Variants in EDA observed in about 807,000 individuals in gnomAD.
The protein encoded by EDA is ectodysplasin A, also known as ectodysplasin-A.
Under a neutral mutation model 23.6 loss-of-function variants are expected in EDA, and 2 were observed. The observed-to-expected ratio is 0.08, with a 90% confidence interval of 0.03 to 0.27. The LOEUF is 0.27. Ranked by LOEUF, EDA falls within the 10% of genes least tolerant of loss-of-function variation. EDA has a pLI of 1.00. For synonymous variants in EDA, 131 were observed against 132.0 expected (o/e 0.99, Z 0.05); for missense variants, 229 against 324.2 (o/e 0.71, Z 2.26).
chrX:69,809,354 A>G (rs1458909489), intron 1 of EDA, among the ~76,000 whole-genome samples: 3 of 111,485 alleles, frequency 2.7e-5, no homozygotes, highest in Admixed American at 9.5e-5. Flanking sequence ...GGGAAGTGCT[A>G]CACACTTTTA....
At chrX:69,678,373 C>G (rs762271409) in intron 1 of EDA, among the ~76,000 whole-genome samples, 1 of 111,453 alleles carries the variant, frequency 9.0e-6, no homozygotes, top group Non-Finnish European at 1.9e-5. Context: ...TCATTGGTAG[C>G]TTGATGGGGA....
At chrX:69,619,377 A>T (rs1385086162) in intron 1 of EDA, among the ~76,000 whole-genome samples, 2 of 111,876 alleles carry the variant, frequency 1.8e-5, no homozygotes, top group Non-Finnish European at 3.8e-5. Flanking sequence ...TACTTATGAG[A>T]TGATGGGCTC....
chrX:69,650,160 C>G (rs1159913678), intron 1 of EDA, among the ~76,000 whole-genome samples: 1 of 111,941 alleles, frequency 8.9e-6, no homozygotes, highest in Non-Finnish European at 1.9e-5. Flanking sequence ...ATAATAACAT[C>G]TTCCGTCTCT....
chrX:69,949,658 G>A (rs1335775711), intron 1 of EDA, among the ~76,000 whole-genome samples: 1 of 111,004 alleles, frequency 9.0e-6, no homozygotes, highest in Non-Finnish European at 1.9e-5. Flanking sequence ...GGCCCAATTA[G>A]AGTCAAAAAA....
rs1267005703 is a variant in EDA at position 69,825,878 on chromosome X, C to A, written c.397-131149C>A. ...TCTACACACTGCTATGAATGCATCC[C>A]AGAGATTCTGGTATGTTGTGTCTTT... On this transcript the variant is annotated intron_variant, in intron 1 of 7. Transcript: ENST00000374552. Among the ~76,000 whole-genome samples the A allele has an allele frequency of 1.5e-4, 17 of 109,795 alleles. 1 individual carries two copies.
intron 1 of EDA, among the ~76,000 whole-genome samples, chrX:69,901,559 C>T (rs192589092): frequency 3.6e-5 from 4 of 111,535 alleles, no homozygotes; most frequent in Non-Finnish European, 7.5e-5. Context: ...TTCCTTGATA[C>T]AGCTATCTCA....
intron 1 of EDA, among the ~76,000 whole-genome samples, chrX:69,835,151 T>C (rs1316702093): frequency 8.9e-6 from 1 of 112,319 alleles, no homozygotes; most frequent in Non-Finnish European, 1.9e-5. Context: ...TAACACTTTT[T>C]CCTTCATTTC....
At chrX:69,751,406 C>T (rs2013856417) in intron 1 of EDA, among the ~76,000 whole-genome samples, 1 of 112,371 alleles carries the variant, frequency 8.9e-6, no homozygotes, top group South Asian at 3.6e-4. Context: ...GTACCAGTAC[C>T]ATGCTGTTTT....
At chrX:70,012,031 T>C (rs1247409233) in intron 2 of EDA, among the ~76,000 whole-genome samples, 2 of 111,529 alleles carry the variant, frequency 1.8e-5, no homozygotes, top group African/African-American at 3.3e-5. Flanking sequence ...CCTTTTCTTA[T>C]TGTCAGATAG....
intron 1 of EDA, among the ~76,000 whole-genome samples, chrX:69,638,360 G>C (rs1932801737): frequency 8.9e-6 from 1 of 112,011 alleles, no homozygotes; most frequent in Non-Finnish European, 1.9e-5. Flanking sequence ...TTTGAATGTT[G>C]GCTAGATTGG....
At chrX:69,724,349 A>G (rs1258614864) in intron 1 of EDA, among the ~76,000 whole-genome samples, 1 of 111,491 alleles carries the variant, frequency 9.0e-6, no homozygotes, top group Non-Finnish European at 1.9e-5. Flanking sequence ...GCCTACTGCT[A>G]TTTCCAAGTC....
chrX:70,037,435 C>T lies in EDA; in HGVS notation c.*1826C>T, dbSNP rs915170671. 1 of 112,086 alleles carries T rather than the reference C, an allele frequency of 8.9e-6. No individual in the cohort carries two copies. The highest frequency in any genetic ancestry group is 9.4e-5 in the Admixed American group (1 of 10,635). The allele number at this position is 112,086 out of a possible 1,213,427, so 9.2% of individuals were successfully genotyped here. A position where few individuals can be genotyped will look rare whatever the true frequency, so the allele number is the denominator to read the frequency against. On this transcript the variant is annotated 3_prime_UTR_variant, in exon 8 of 8. Coordinates refer to ENST00000374552, the MANE Select transcript of EDA (RefSeq NM_001399.5). ...GGACAGTCCGCAGTTGTAGCAGAAA[C>T]CAACAAGAACCACTCCTTCATGTTT...
At chrX:69,952,369 G>T in intron 1 of EDA, among the ~76,000 whole-genome samples, 1 of 111,742 alleles carries the variant, frequency 8.9e-6, no homozygotes, top group Middle Eastern at 4.6e-3. Context: ...CGTCTTACAT[G>T]GATGGCAGCA....
chrX:69,747,351 AG>A (rs1173064266), intron 1 of EDA, among the ~76,000 whole-genome samples: 43 of 112,430 alleles, frequency 3.8e-4, no homozygotes, highest in African/African-American at 1.2e-3. Context: ...CCCTGAAATA[AG>A]AAGTGTTTGG....
intron 1 of EDA, among the ~76,000 whole-genome samples, chrX:69,753,282 G>T (rs1420923130): frequency 9.0e-6 from 1 of 111,685 alleles, no homozygotes; most frequent in African/African-American, 3.3e-5. Flanking sequence ...TTGTGTCTTT[G>T]TTCGCATTGG....
At chrX:70,032,120 A>C (rs761489676) in intron 6 of EDA, among the ~76,000 whole-genome samples, 2 of 111,379 alleles carry the variant, frequency 1.8e-5, no homozygotes, top group Admixed American at 9.5e-5. Flanking sequence ...TTAGCTGGGC[A>C]TAGTGGCACA....
chrX:69,765,380 C>A (rs192300589), intron 1 of EDA, among the ~76,000 whole-genome samples: 1 of 111,552 alleles, frequency 9.0e-6, no homozygotes, highest in African/African-American at 3.3e-5. Context: ...TTAGAGTAAC[C>A]CTTAGTTCCA....
intron 1 of EDA, among the ~76,000 whole-genome samples, chrX:69,864,364 GC>G (rs1363404599): frequency 9.0e-6 from 1 of 110,980 alleles, no homozygotes; most frequent in African/African-American, 3.3e-5. Context: ...AGAAATAACA[GC>G]CACTACAGTT....
intron 3 of EDA, among the ~76,000 whole-genome samples, chrX:70,026,694 A>G (rs1201532545): frequency 1.8e-5 from 2 of 111,786 alleles, no homozygotes; most frequent in African/African-American, 6.5e-5. Flanking sequence ...ACATTGGAAC[A>G]TGTTACTATG....
Sources: gnomAD v4.1 joint callset for allele counts (sites outside exome capture counted in the v4.1 genomes callset) on GRCh38, gnomAD v4.1.1 for gene constraint, MANE v1.5 for transcripts, NCBI Gene and HGNC (gene_info 2026-07-23, HGNC 2026-07-21) for gene names.